Variants in DPYSL4 observed in about 807,000 individuals in gnomAD.
DPYSL4 encodes the protein dihydropyrimidinase like 4.
A neutral mutation model predicts 63.4 loss-of-function variants in DPYSL4; 43 were observed. That is an observed-to-expected ratio of 0.68 (90% CI 0.53 to 0.88). DPYSL4 has a LOEUF of 0.88. DPYSL4 is among the 40% of genes least tolerant of loss of function. The pLI is 0.00. For missense variants in DPYSL4, 733 were observed against 819.5 expected (o/e 0.89, Z 1.29); for synonymous variants, 353 against 331.7 (o/e 1.06, Z -0.70).
At chr10:132,199,059 C>T (rs2061980136) in intron 8 of DPYSL4, 88 bp downstream of exon 8, 1 of 1,503,926 alleles carries the variant, frequency 6.6e-7, no homozygotes, top group Non-Finnish European at 9.0e-7. Flanking sequence ...TTCCCTGAGT[C>T]CCTGCATCGG....
chr10:132,199,255 G>T (rs1457394962), intron 8 of DPYSL4, among the ~76,000 whole-genome samples: 1 of 152,168 alleles, frequency 6.6e-6, no homozygotes, highest in Non-Finnish European at 1.5e-5. Flanking sequence ...GGGGAGAATG[G>T]AATGATGAGG....
intron 6 of DPYSL4, among the ~76,000 whole-genome samples, chr10:132,198,023 AG>A (rs1344374685): frequency 2.0e-5 from 3 of 152,208 alleles, no homozygotes; most frequent in Non-Finnish European, 4.4e-5. Context: ...ACGGAAAGGC[AG>A]TGCTGGAGGA....
chr10:132,194,309 G>A (rs2061913451), intron 3 of DPYSL4, among the ~76,000 whole-genome samples: 2 of 152,254 alleles, frequency 1.3e-5, no homozygotes, highest in African/African-American at 4.8e-5. Flanking sequence ...GCAGTGTTCG[G>A]GCCTTGGGTG....
chr10:132,187,146 CG>C (rs1565034816), intron 1 of DPYSL4, 44 bp downstream of exon 1: 2 of 1,456,910 alleles, frequency 1.4e-6, no homozygotes, highest in Non-Finnish European at 1.9e-6. Context: ...GCCCGCCGCC[CG>C]GAGTGGGGCC....
chr10:132,198,751 C>T lies in DPYSL4; in HGVS notation c.691-100C>T, dbSNP rs189716540. 225 of 1,533,182 alleles carry T rather than the reference C, an allele frequency of 1.5e-4. No homozygotes were observed. The African/African-American group carries it at 2.9e-3, about 20-fold the overall frequency. 95.0% of individuals were successfully genotyped at this position (1,533,182 alleles called of 1,614,324 possible). A position where few individuals can be genotyped will look rare whatever the true frequency, so the allele number is the denominator to read the frequency against. ...GCCGCTCCTACTAGGCTGCCCTGAG[C>T]CTGGGATCCCATGGGTGACACCTGG... On this transcript the variant is annotated intron_variant, in intron 7 of 13. Transcript: ENST00000338492.
At position 132,203,870 on chromosome 10, in the gene DPYSL4, G is replaced by C; in HGVS notation, c.1570G>C (p.Gly524Arg). 6.2e-7 allele frequency: 1 copy of C among 1,613,062 alleles called. No homozygotes were observed. The highest frequency in any genetic ancestry group is 2.2e-5 in the East Asian group (1 of 44,862). ...SGAPARASCPGKISVPPVRNL... is the reference protein window; with the variant it reads ...SGAPARASCPRKISVPPVRNL... ...CGCTCCGGCCCGCGCGTCCTGCCCA[G>C]GCAAGATCTCCGTCCCTCCTGTGCG... Residue 524 changes from glycine (G) to arginine (R), a missense_variant, in exon 13 of 14, where the codon GGC (glycine) becomes CGC (arginine). Transcript: ENST00000338492.
chr10:132,202,851 G>T (rs2062037815), intron 12 of DPYSL4, 26 bp downstream of exon 12: 3 of 1,560,956 alleles, frequency 1.9e-6, no homozygotes, highest in Middle Eastern at 3.5e-4. Context: ...CAAGGGTGTT[G>T]TGCAGGTAGG....
chr10:132,200,856 T>C lies in DPYSL4; in HGVS notation c.983T>C (p.Val328Ala). The C allele has an allele frequency of 6.2e-7, 1 of 1,612,590 alleles. No homozygotes were observed. The highest frequency in any genetic ancestry group is 8.5e-7 in the Non-Finnish European group (1 of 1,179,800). The change falls in exon 10 of 14, where the codon GTG (valine) becomes GCG (alanine). Residue 328 changes from valine (V) to alanine (A), a missense_variant. Coordinates refer to ENST00000338492, the MANE Select transcript of DPYSL4 (RefSeq NM_006426.3). Reference protein sequence around the residue: ...TCLLSSGDLQVTGSAHCTFTT... With the variant: ...TCLLSSGDLQATGSAHCTFTT... ...CTTGTTTCCAGCGGGGACCTCCAGG[T>C]GACAGGCAGCGCCCACTGCACCTTC...
At chr10:132,187,154 G>A in intron 1 of DPYSL4, 52 bp downstream of exon 1, 1 of 1,404,930 alleles carries the variant, frequency 7.1e-7, no homozygotes, top group South Asian at 1.3e-5. Flanking sequence ...CCCGGAGTGG[G>A]GCCTGGACGC....
chr10:132,188,380 C>T (rs1484468439), intron 1 of DPYSL4, among the ~76,000 whole-genome samples: 1 of 152,224 alleles, frequency 6.6e-6, no homozygotes, highest in African/African-American at 2.4e-5. Flanking sequence ...TCTCCTCAAG[C>T]CTCCTTCTGC....
In DPYSL4 at chr10:132,201,961, G is replaced by A. The variant is rs760786181; in HGVS notation, c.1126G>A (p.Asp376Asn). 2 of 1,612,900 alleles carry A rather than the reference G, an allele frequency of 1.2e-6. No homozygotes were observed. Among genetic ancestry groups the A allele is most frequent in the East Asian group, 4.5e-5 (2 of 44,884 alleles). The stretch of plus-strand genomic sequence containing the variant: ...TGTTCCCCAGGCCTCTGGGAAGATG[G>A]ACGAGAATGAGTTCGTCGCGGTGAC... Reference protein sequence around the residue: ...WEKCVASGKMDENEFVAVTST... With the variant: ...WEKCVASGKMNENEFVAVTST... Residue 376 changes from aspartate to asparagine, a missense_variant, in exon 11 of 14, where the codon GAC (aspartate) becomes AAC (asparagine). Asp to Asn is a conservative substitution (Grantham distance 23). Coordinates refer to ENST00000338492, the MANE Select transcript of DPYSL4 (RefSeq NM_006426.3).
chr10:132,201,759 C>G (rs1036294569), intron 10 of DPYSL4, among the ~76,000 whole-genome samples, 187 bp from the exon 11 acceptor site: 20 of 152,054 alleles, frequency 1.3e-4, no homozygotes, highest in Middle Eastern at 3.2e-3. Flanking sequence ...CAGCATCTGA[C>G]CTGGCAGGGG....
chr10:132,200,795 T>A, intron 9 of DPYSL4, 47 bp from the exon 10 acceptor site: 1 of 1,593,708 alleles, frequency 6.3e-7, no homozygotes, highest in Middle Eastern at 2.0e-4. Context: ...ACCTGGCCTC[T>A]GCCGGCTCAG....
rs11146240 is a variant in DPYSL4 at position 132,191,548 on chromosome 10, C to T, written c.128+713C>T. ...CCAGCTCGTGTGTACACGCTGGTCA[C>T]ATGGTATCCAGGCAGGTTAAAGTAT... On this transcript the variant is annotated intron_variant, in intron 2 of 13. Transcript: ENST00000338492. Among the ~76,000 whole-genome samples the T allele has an allele frequency of 1.8e-3, 75 of 42,730 alleles. 2 individuals are homozygous for T. The East Asian group carries it at 0.018, about 10-fold the overall frequency. The allele number at this position is 42,730 out of a possible 152,430, so 28.0% of individuals were successfully genotyped here. A position where few individuals can be genotyped will look rare whatever the true frequency, so the allele number is the denominator to read the frequency against.
At position 132,203,860 on chromosome 10, in the gene DPYSL4, G is replaced by C; in HGVS notation, c.1560G>C (p.Ala520=). The C allele has an allele frequency of 3.7e-6, 6 of 1,613,008 alleles. No individual in the cohort carries two copies. The highest frequency in any genetic ancestry group is 5.1e-6 in the Non-Finnish European group (6 of 1,179,786). The stretch of plus-strand genomic sequence containing the variant: ...CAGGGAGTGGCGCTCCGGCCCGCGC[G>C]TCCTGCCCAGGCAAGATCTCCGTCC... ...AKPGSGAPAR[A]SCPGKISVPP... The change falls in exon 13 of 14, where the codon GCG becomes GCC. Residue 520 remains alanine (A), a synonymous_variant. Coordinates refer to ENST00000338492, the MANE Select transcript of DPYSL4 (RefSeq NM_006426.3).
chr10:132,191,312 T>G (rs1263170482), intron 2 of DPYSL4, among the ~76,000 whole-genome samples: 1 of 120,026 alleles, frequency 8.3e-6, no homozygotes, highest in Admixed American at 8.5e-5. Context: ...TTCCCACCTC[T>G]TGTGTACACA....
chr10:132,188,821 C>T (rs949743812), intron 1 of DPYSL4, among the ~76,000 whole-genome samples: 2 of 152,212 alleles, frequency 1.3e-5, no homozygotes, highest in Admixed American at 1.3e-4. Flanking sequence ...ATGACATACT[C>T]TTGTTATTGT....
In DPYSL4 at chr10:132,200,905, C is replaced by T; in HGVS notation, c.1032C>T (p.Gly344=). The part of the protein sequence containing the change: ...CTFTTAQKAV[G]KDNFALIPEG... Reference sequence around the variant, plus strand: ...TCACCACTGCCCAGAAGGCTGTGGGCAAGGACAACTTCGCGCTGATCCCCG... The same window carrying T: ...TCACCACTGCCCAGAAGGCTGTGGGTAAGGACAACTTCGCGCTGATCCCCG... The change falls in exon 10 of 14, where the codon GGC becomes GGT. Residue 344 remains glycine (G), a synonymous_variant. Transcript: ENST00000338492. The T allele has an allele frequency of 4.3e-6, 7 of 1,613,274 alleles. No homozygotes were observed. The highest frequency in any genetic ancestry group is 5.9e-6 in the Non-Finnish European group (7 of 1,179,966).
intron 1 of DPYSL4, 119 bp downstream of exon 1, chr10:132,187,221 T>C: frequency 3.0e-6 from 2 of 661,186 alleles, no homozygotes; most frequent in Non-Finnish European, 2.4e-6. Context: ...TTGCGTCTGG[T>C]CCCTGTCCTG....
Sources: gnomAD v4.1 joint callset for allele counts (sites outside exome capture counted in the v4.1 genomes callset) on GRCh38, gnomAD v4.1.1 for gene constraint, MANE v1.5 for transcripts, NCBI Gene and HGNC (gene_info 2026-07-23, HGNC 2026-07-21) for gene names.